Variants in KCNJ15 observed in about 807,000 individuals in gnomAD.
KCNJ15 encodes the protein potassium inwardly rectifying channel subfamily J member 15, also known as ATP-sensitive inward rectifier potassium channel 15.
A neutral mutation model predicts 23.0 loss-of-function variants in KCNJ15; 14 were observed. That is an observed-to-expected ratio of 0.61 (90% CI 0.40 to 0.95). KCNJ15 has a LOEUF of 0.95. Ranked by LOEUF, KCNJ15 falls within the 40% of genes least tolerant of loss-of-function variation. The probability of loss-of-function intolerance (pLI) is 0.00; values close to 1 mark genes in which losing one functional copy is unlikely to be tolerated. For missense variants in KCNJ15, 388 were observed against 461.8 expected (o/e 0.84, Z 1.46); for synonymous variants, 185 against 183.2 (o/e 1.01, Z -0.08).
At position 38,300,771 on chromosome 21, in the gene KCNJ15, A is replaced by G. The variant is rs1985715284; in HGVS notation, c.*382A>G. ...GTAATACAAGATATTTATTTAACCA[A>G]TGACCTTATGGCTGAGAGTTGAATT... On this transcript the variant is annotated 3_prime_UTR_variant, in exon 3 of 3. Transcript: ENST00000398938. 5.3e-6 allele frequency: 1 copy of G among 186,986 alleles called. No individual in the cohort carries two copies. Among genetic ancestry groups the G allele is most frequent in the Non-Finnish European group, 1.2e-5 (1 of 80,810 alleles). 11.6% of individuals were successfully genotyped at this position (186,986 alleles called of 1,614,324 possible).
intron 1 of KCNJ15, among the ~76,000 whole-genome samples, chr21:38,264,430 C>T (rs1377907638): frequency 2.6e-5 from 4 of 152,192 alleles, no homozygotes; most frequent in Admixed American, 6.5e-5. Flanking sequence ...TTTACAATGG[C>T]CTGCTTACTT....
At chr21:38,264,128 G>C (rs1336115500) in intron 1 of KCNJ15, among the ~76,000 whole-genome samples, 2 of 152,140 alleles carry the variant, frequency 1.3e-5, no homozygotes, top group Non-Finnish European at 2.9e-5. Flanking sequence ...TTGAACCTGG[G>C]AATCAACTGG....
Position 38,264,768 on chromosome 21 carries a change from G to T in KCNJ15, c.-117+7583G>T, listed in dbSNP as rs1372603844. On this transcript the variant is annotated intron_variant, in intron 1 of 2. Coordinates refer to ENST00000398938, the MANE Select transcript of KCNJ15 (RefSeq NM_170736.3). ...GATTGGCTGCTAGAATTGCGTAAGT[G>T]GGGTTATTAAGGAGGGAGACATCTT... 2.0e-5 allele frequency among the ~76,000 whole-genome samples: 3 copies of T among 152,182 alleles called. No homozygotes were observed. The East Asian group carries it at 5.8e-4, about 29-fold the overall frequency.
upstream of KCNJ15, among the ~76,000 whole-genome samples, chr21:38,255,288 A>C (rs1243288572): frequency 2.0e-5 from 3 of 152,234 alleles, no homozygotes; most frequent in Admixed American, 2.0e-4. Flanking sequence ...CCTGCAAATC[A>C]TCCCACCTGA....
At chr21:38,270,937 T>C (rs1437828148) in intron 1 of KCNJ15, among the ~76,000 whole-genome samples, 2 of 152,226 alleles carry the variant, frequency 1.3e-5, no homozygotes, top group African/African-American at 4.8e-5. Context: ...AGGAATTTCA[T>C]ATGCAGCAGA....
At chr21:38,277,520 G>C (rs1483121672) in intron 1 of KCNJ15, among the ~76,000 whole-genome samples, 2 of 152,124 alleles carry the variant, frequency 1.3e-5, no homozygotes, top group African/African-American at 4.8e-5. Flanking sequence ...TAACTAAGAA[G>C]CAAACCACTC....
At position 38,302,192 on chromosome 21, in the gene KCNJ15, AG is replaced by A. The variant is rs1440248199; in HGVS notation, c.*1804del. The A allele has an allele frequency of 6.6e-6, 1 of 152,234 alleles. No individual in the cohort carries two copies. The highest frequency in any genetic ancestry group is 2.4e-5 in the African/African-American group (1 of 41,462). 9.4% of individuals were successfully genotyped at this position (152,234 alleles called of 1,614,324 possible). A position where few individuals can be genotyped will look rare whatever the true frequency, so the allele number is the denominator to read the frequency against. On this transcript the variant is annotated 3_prime_UTR_variant, in exon 3 of 3. Transcript: ENST00000398938. ...AATATGTTCATGTCTATTTGGTTCT[AG>A]TTCTATAAAAATATGAACATTGGGA... is the stretch of plus-strand genomic sequence containing the variant.
intron 1 of KCNJ15, among the ~76,000 whole-genome samples, chr21:38,280,563 C>T (rs60736574): frequency 0.031 from 4,771 of 152,200 alleles, 186 homozygotes; most frequent in East Asian, 0.088. Context: ...GTTAGCACTA[C>T]CGAATCTTTG....
At chr21:38,271,530 C>T (rs1307722875) in intron 1 of KCNJ15, among the ~76,000 whole-genome samples, 2 of 152,242 alleles carry the variant, frequency 1.3e-5, no homozygotes, top group East Asian at 3.8e-4. Context: ...TTAAAAGAGG[C>T]ATGCGATTCC....
At chr21:38,259,620 G>C (rs1431906829) in intron 1 of KCNJ15, among the ~76,000 whole-genome samples, 1 of 152,076 alleles carries the variant, frequency 6.6e-6, no homozygotes, top group African/African-American at 2.4e-5. Flanking sequence ...CTTATTCATG[G>C]GCAAATACAA....
chr21:38,245,661 A>G lies in KCNJ15; in HGVS notation c.-398-11385A>G, dbSNP rs376256665. On this transcript the variant is annotated intron_variant, in intron 1 of 4. Coordinates refer to the KCNJ15 transcript ENST00000547341. The stretch of plus-strand genomic sequence containing the variant: ...GAAGGGAAAGAGAGACAGAGAAAGG[A>G]AAGAAGAAAGAAAGAAGGAAAGGGA... Among the ~76,000 whole-genome samples the G allele has an allele frequency of 5.9e-5, 9 of 151,838 alleles. No homozygotes were observed. In the South Asian group the frequency reaches 6.3e-4, roughly 11 times the overall value.
chr21:38,286,112 G>A (rs541315661), intron 1 of KCNJ15, among the ~76,000 whole-genome samples: 30 of 152,184 alleles, frequency 2.0e-4, no homozygotes, highest in African/African-American at 6.0e-4. Context: ...GCGTGGTGGC[G>A]GGTGCCTGTA....
At chr21:38,233,352 C>T (rs1978397677) in intron 1 of KCNJ15, among the ~76,000 whole-genome samples, 1 of 152,018 alleles carries the variant, frequency 6.6e-6, no homozygotes. Flanking sequence ...CAATATATAG[C>T]TGAATCTTGT....
chr21:38,299,295 C>T lies in KCNJ15; in HGVS notation c.34C>T (p.Pro12Ser), dbSNP rs1985497903. Residue 12 changes from proline (P) to serine (S), a missense_variant, in exon 3 of 3, where the codon CCC becomes TCC. Transcript: ENST00000398938. The surrounding 1 kb of genome is among the most constrained non-coding windows in gnomAD (Gnocchi z 4.5). The part of the protein sequence containing the change: ...DAIHIGMSST[P>S]LVKHTAGAGL... ...CATTCACATCGGCATGTCCAGCACC[C>T]CCCTGGTGAAGCACACTGCTGGGGC... is the stretch of plus-strand genomic sequence containing the variant. The T allele has an allele frequency of 6.2e-7, 1 of 1,613,952 alleles. No individual in the cohort carries two copies. Among genetic ancestry groups the T allele is most frequent in the African/African-American group, 1.3e-5 (1 of 74,932 alleles).
rs1014110289 is a variant in KCNJ15, at chr21:38,301,411, T to C, written c.*1022T>C. On this transcript the variant is annotated 3_prime_UTR_variant, in exon 3 of 3. Transcript: ENST00000398938. ...TTTCAGCCATTTCATTTCTTATCTATTAAAATGGCTTGCCCATAAAGGAAC... is the reference window on the plus strand; with the variant it reads ...TTTCAGCCATTTCATTTCTTATCTACTAAAATGGCTTGCCCATAAAGGAAC... The C allele has an allele frequency of 6.0e-6, 1 of 167,088 alleles. No individual in the cohort carries two copies. Among genetic ancestry groups the C allele is most frequent in the Non-Finnish European group, 1.5e-5 (1 of 68,126 alleles). 10.4% of individuals were successfully genotyped at this position (167,088 alleles called of 1,614,324 possible).
intron 1 of KCNJ15, among the ~76,000 whole-genome samples, chr21:38,243,108 C>G (rs1335301320): frequency 1.3e-5 from 2 of 151,952 alleles, no homozygotes; most frequent in African/African-American, 4.8e-5. Flanking sequence ...ATTTGGGCCA[C>G]GTTTTTAGAA....
rs958123174 is a variant in KCNJ15 at position 38,295,301 on chromosome 21, A to G, written c.-116-1625A>G. Among the ~76,000 whole-genome samples the G allele has an allele frequency of 2.6e-5, 4 of 152,244 alleles. No homozygotes were observed. In the East Asian group the frequency reaches 7.7e-4, roughly 29 times the overall value. ...GAAAATGTCAAATCCTGGAAAACAC[A>G]GCATTCCTACACATGGTGTTAACAT... On this transcript the variant is annotated intron_variant, in intron 1 of 2. Coordinates refer to ENST00000398938, the MANE Select transcript of KCNJ15 (RefSeq NM_170736.3).
At chr21:38,261,808 A>G (rs1418960998) in intron 1 of KCNJ15, among the ~76,000 whole-genome samples, 1 of 152,220 alleles carries the variant, frequency 6.6e-6, no homozygotes, top group African/African-American at 2.4e-5. Flanking sequence ...AGACCCTAGA[A>G]TGGTATTGAA....
At chr21:38,275,237 C>T (rs1982542966) in intron 1 of KCNJ15, among the ~76,000 whole-genome samples, 1 of 152,164 alleles carries the variant, frequency 6.6e-6, no homozygotes, top group Non-Finnish European at 1.5e-5. Context: ...TAGCTGCTCT[C>T]CTCCCTCTCC....
Sources: gnomAD v4.1 joint callset for allele counts (sites outside exome capture counted in the v4.1 genomes callset) on GRCh38, gnomAD v4.1.1 for gene constraint, Gnocchi (gnomAD v3.1) non-coding constraint, MANE v1.5 for transcripts, NCBI Gene and HGNC (gene_info 2026-07-23, HGNC 2026-07-21) for gene names.